MTA3: variants seen among roughly 807,000 people sequenced by gnomAD.
The protein encoded by MTA3 is metastasis associated 1 family member 3, also known as metastasis-associated protein MTA3.
In MTA3, 34 loss-of-function variants were observed where a neutral mutation model predicts 83.5. That is an observed-to-expected ratio of 0.41 (90% CI 0.31 to 0.54). MTA3 has a LOEUF of 0.54. Among genes scored for constraint, MTA3 ranks in the 20% least tolerant of loss-of-function variants. The pLI is 0.33. For missense variants in MTA3, 761 were observed against 726.4 expected (o/e 1.05, Z -0.55); for synonymous variants, 303 against 252.7 (o/e 1.20, Z -1.89).
intron 8 of MTA3, among the ~76,000 whole-genome samples, chr2:42,666,015 C>T (rs1374985783): frequency 2.0e-5 from 3 of 152,168 alleles, no homozygotes; most frequent in Admixed American, 6.5e-5. Context: ...CCGTGGCTCA[C>T]GCCTGTAATC....
intron 4 of MTA3, among the ~76,000 whole-genome samples, chr2:42,615,088 G>A (rs1684696502): frequency 6.6e-6 from 1 of 151,436 alleles, no homozygotes; most frequent in African/African-American, 2.4e-5. Context: ...GTCAGGAGTT[G>A]AAGGCCAGCC....
At chr2:42,611,516 A>T (rs1439305275) in intron 4 of MTA3, among the ~76,000 whole-genome samples, 1 of 152,010 alleles carries the variant, frequency 6.6e-6, no homozygotes, top group Non-Finnish European at 1.5e-5. Flanking sequence ...ACCTCATGTC[A>T]TTGTTTTTAT....
At chr2:42,553,038 A>G (rs561786810) in intron 2 of MTA3, among the ~76,000 whole-genome samples, 1 of 152,014 alleles carries the variant, frequency 6.6e-6, no homozygotes, top group South Asian at 2.1e-4. Context: ...GCACTTTGGA[A>G]GGCCGAGGCA....
intron 8 of MTA3, among the ~76,000 whole-genome samples, chr2:42,660,622 C>A (rs904173050): frequency 6.6e-6 from 1 of 152,032 alleles, no homozygotes; most frequent in African/African-American, 2.4e-5. Context: ...TTCCTGTTAC[C>A]CCTTGTGATA....
At position 42,755,345 on chromosome 2, in the gene MTA3, C is replaced by T; in HGVS notation, c.*1946C>T. On this transcript the variant is annotated 3_prime_UTR_variant, in exon 17 of 17. Coordinates refer to ENST00000405094, the MANE Select transcript of MTA3 (RefSeq NM_001330442.2). ...TCAGCTGCCAGCTTCATTTTCTCTG[C>T]CTTTTGGGAGAGGCCCTCTCACCCA... 1 of 985,484 alleles carries T rather than the reference C, an allele frequency of 1.0e-6. No individual in the cohort carries two copies. Among genetic ancestry groups the T allele is most frequent in the Non-Finnish European group, 1.2e-6 (1 of 830,008 alleles). 61.0% of individuals were successfully genotyped at this position (985,484 alleles called of 1,614,324 possible).
At chr2:42,600,576 C>G (rs370793700) in intron 3 of MTA3, among the ~76,000 whole-genome samples, 2 of 151,156 alleles carry the variant, frequency 1.3e-5, no homozygotes, top group African/African-American at 2.4e-5. Flanking sequence ...GAGTCTTGCT[C>G]TGTCACCCAG....
At chr2:42,752,201 C>T (rs982355609) in intron 16 of MTA3, 9 of 471,196 alleles carry the variant, frequency 1.9e-5, no homozygotes, top group Non-Finnish European at 4.0e-5. Context: ...ATATCAAATA[C>T]CAAGCTGGGT....
chr2:42,636,910 C>A (rs780858226), intron 4 of MTA3, among the ~76,000 whole-genome samples: 14 of 152,158 alleles, frequency 9.2e-5, no homozygotes, highest in Non-Finnish European at 1.9e-4. Context: ...TAGGCATGAG[C>A]CACTGCGCCT....
At chr2:42,740,015 T>C (rs192168825) in intron 16 of MTA3, among the ~76,000 whole-genome samples, 9 of 152,314 alleles carry the variant, frequency 5.9e-5, no homozygotes, top group African/African-American at 2.2e-4. Flanking sequence ...CCATGAGGGT[T>C]GGAATCAATT....
intron 2 of MTA3, among the ~76,000 whole-genome samples, chr2:42,512,988 C>A (rs1322289901): frequency 6.6e-6 from 1 of 152,188 alleles, no homozygotes; most frequent in Non-Finnish European, 1.5e-5. Flanking sequence ...TCCATCAATT[C>A]TCCCAGACTG....
At chr2:42,678,578 A>G (rs905200020) in intron 8 of MTA3, among the ~76,000 whole-genome samples, 21 of 152,032 alleles carry the variant, frequency 1.4e-4, no homozygotes, top group Non-Finnish European at 8.8e-5. Flanking sequence ...ATCCGCCTGC[A>G]TTGGCCTCCC....
At chr2:42,604,078 G>A (rs1682931538) in intron 3 of MTA3, among the ~76,000 whole-genome samples, 1 of 151,232 alleles carries the variant, frequency 6.6e-6, no homozygotes, top group East Asian at 2.0e-4. Flanking sequence ...TTTTGCTCTT[G>A]TCGCCCAGGC....
At chr2:42,691,836 T>C (rs1165170968) in intron 9 of MTA3, among the ~76,000 whole-genome samples, 1 of 152,230 alleles carries the variant, frequency 6.6e-6, no homozygotes, top group African/African-American at 2.4e-5. Flanking sequence ...AAATATGTCG[T>C]GCCACTCTCT....
At chr2:42,707,439 G>A (rs2104504658) in intron 12 of MTA3, among the ~76,000 whole-genome samples, 1 of 152,098 alleles carries the variant, frequency 6.6e-6, no homozygotes, top group East Asian at 1.9e-4. Flanking sequence ...AGTAGAGACG[G>A]GGTTTCACCG....
At chr2:42,644,267 A>G (rs758723394) in intron 6 of MTA3, 23 bp downstream of exon 6, 3 of 1,520,358 alleles carry the variant, frequency 2.0e-6, no homozygotes, top group Non-Finnish European at 2.7e-6. Flanking sequence ...GCGTGTTTGC[A>G]GTTTTGTGAA....
intron 4 of MTA3, among the ~76,000 whole-genome samples, chr2:42,611,475 G>T (rs1684214454): frequency 6.6e-6 from 1 of 152,052 alleles, no homozygotes; most frequent in Admixed American, 6.6e-5. Context: ...AATCTTGTCA[G>T]AAATAATGTG....
intron 13 of MTA3, among the ~76,000 whole-genome samples, chr2:42,708,664 A>G (rs915466594): frequency 2.0e-5 from 3 of 152,222 alleles, no homozygotes; most frequent in Non-Finnish European, 4.4e-5. Context: ...ATAGCAGTAC[A>G]GTATTCTCCA....
rs113912244 is a variant in MTA3 at position 42,697,382 on chromosome 2, C to CAG, written c.967-377_967-376dup. Among the ~76,000 whole-genome samples, 524 of 149,622 alleles carry CAG rather than the reference C, an allele frequency of 3.5e-3. 1 individual carries two copies. The highest frequency in any genetic ancestry group is 0.025 in the Middle Eastern group (7 of 282). ...TAATCTCTGAATATTTTTCTAAAAG[C>CAG]AGAGAGAGAGAGAGAGAGTGAGAGT... is the stretch of plus-strand genomic sequence containing the variant. On this transcript the variant is annotated intron_variant, in intron 10 of 16. Transcript: ENST00000405094.
chr2:42,632,503 C>T (rs544442235), intron 4 of MTA3, among the ~76,000 whole-genome samples: 5 of 152,212 alleles, frequency 3.3e-5, no homozygotes, highest in African/African-American at 1.2e-4. Context: ...CCATCTTGTC[C>T]AGGAGAGGAG....
Sources: gnomAD v4.1 joint callset for allele counts (sites outside exome capture counted in the v4.1 genomes callset) on GRCh38, gnomAD v4.1.1 for gene constraint, MANE v1.5 for transcripts, NCBI Gene and HGNC (gene_info 2026-07-23, HGNC 2026-07-21) for gene names.